Variants in POU6F2 observed in about 807,000 individuals in gnomAD.
The protein encoded by POU6F2 is POU domain, class 6, transcription factor 2.
POU6F2 carries 31 observed loss-of-function variants against 71.3 expected under a neutral mutation model. The ratio of observed to expected loss-of-function variants is 0.43; its 90% CI spans 0.33 to 0.59. The LOEUF (loss-of-function observed/expected upper bound fraction) is 0.59. POU6F2 is among the 20% of genes least tolerant of loss of function. POU6F2 has a pLI of 0.04. For missense variants in POU6F2, 783 were observed against 856.8 expected, an observed-to-expected ratio of 0.91 and a Z score of 1.07; for synonymous variants, 347 against 355.7, an observed-to-expected ratio of 0.98 and a Z score of 0.27.
intron 7 of POU6F2, among the ~76,000 whole-genome samples, chr7:39,446,185 C>G (rs1788518714): frequency 6.6e-6 from 1 of 152,234 alleles, no homozygotes; most frequent in Non-Finnish European, 1.5e-5. Flanking sequence ...ACTCTGGCTT[C>G]TGCGAGACCC....
At chr7:39,407,460 C>A (rs1255003836) in intron 6 of POU6F2, among the ~76,000 whole-genome samples, 1 of 149,562 alleles carries the variant, frequency 6.7e-6, no homozygotes, top group African/African-American at 2.5e-5. Flanking sequence ...GAGCTTCAGA[C>A]AACCCAATAA....
At chr7:38,982,059 G>T (rs1174743093) in intron 1 of POU6F2, among the ~76,000 whole-genome samples, 1 of 152,152 alleles carries the variant, frequency 6.6e-6, no homozygotes, top group Non-Finnish European at 1.5e-5. Context: ...AAGTGGTCTA[G>T]GGAGAGGGGA....
intron 4 of POU6F2, among the ~76,000 whole-genome samples, chr7:39,221,669 G>A (rs1794365150): frequency 6.6e-6 from 1 of 152,050 alleles, no homozygotes; most frequent in Non-Finnish European, 1.5e-5. Context: ...TTACAAGTGT[G>A]AGCCATCGCA....
chr7:39,046,141 A>G (rs1335566146), intron 1 of POU6F2, among the ~76,000 whole-genome samples: 3 of 152,004 alleles, frequency 2.0e-5, no homozygotes, highest in African/African-American at 4.8e-5. Flanking sequence ...ATTTTTTATT[A>G]TAACTATTGT....
chr7:39,192,253 T>C (rs1241940787), intron 2 of POU6F2, among the ~76,000 whole-genome samples: 2 of 152,204 alleles, frequency 1.3e-5, no homozygotes, highest in African/African-American at 4.8e-5. Flanking sequence ...TTCACCAATT[T>C]TGAGTTGCAC....
At chr7:39,340,541 T>A (rs1399280137) in intron 5 of POU6F2, among the ~76,000 whole-genome samples, 1 of 152,192 alleles carries the variant, frequency 6.6e-6, no homozygotes, top group Non-Finnish European at 1.5e-5. Flanking sequence ...CCCAGTCTTA[T>A]GTCCCAGATT....
intron 4 of POU6F2, among the ~76,000 whole-genome samples, chr7:39,261,376 C>T (rs1164131451): frequency 1.3e-5 from 2 of 152,178 alleles, no homozygotes; most frequent in Non-Finnish European, 2.9e-5. Context: ...CAGTGGTTGC[C>T]TCTTAGAACA....
chr7:39,253,320 CA>C, intron 4 of POU6F2, among the ~76,000 whole-genome samples: 1 of 152,230 alleles, frequency 6.6e-6, no homozygotes, highest in African/African-American at 2.4e-5. Context: ...TGTGTGCTCA[CA>C]GAGGCAAGAA....
rs1054968490 is a variant in POU6F2 at position 39,175,278 on chromosome 7, A to G, written c.278-28957A>G. Among the ~76,000 whole-genome samples, 3 of 152,286 alleles carry G rather than the reference A, an allele frequency of 2.0e-5. No homozygotes were observed. The East Asian group carries it at 5.8e-4, about 29-fold the overall frequency. ...CAACCCATACTTCCAGCTTTCTACTAGACACTTTCATTCAGACATCCCAGT... is the reference window on the plus strand; with the variant it reads ...CAACCCATACTTCCAGCTTTCTACTGGACACTTTCATTCAGACATCCCAGT... On this transcript the variant is annotated intron_variant, in intron 2 of 9. Transcript: ENST00000518318.
intron 1 of POU6F2, among the ~76,000 whole-genome samples, chr7:39,025,419 G>A (rs551368899): frequency 5.9e-5 from 9 of 152,168 alleles, no homozygotes; most frequent in African/African-American, 2.2e-4. Context: ...CAATGGAACA[G>A]AACAGAGCCC....
At chr7:39,254,849 G>T (rs1320063819) in intron 4 of POU6F2, among the ~76,000 whole-genome samples, 1 of 152,208 alleles carries the variant, frequency 6.6e-6, no homozygotes, top group African/African-American at 2.4e-5. Flanking sequence ...TTGAGCTGAA[G>T]AAAGTGGGCC....
chr7:39,285,910 C>T (rs1784641090), intron 4 of POU6F2, among the ~76,000 whole-genome samples: 1 of 152,128 alleles, frequency 6.6e-6, no homozygotes, highest in South Asian at 2.1e-4. Context: ...CATTTATTCC[C>T]AGAAGGGAGG....
chr7:39,035,989 G>C (rs753592673), intron 1 of POU6F2, among the ~76,000 whole-genome samples: 129 of 152,156 alleles, frequency 8.5e-4, no homozygotes, highest in Non-Finnish European at 1.0e-3. Context: ...CAGTTGTACA[G>C]AGATCTAAAT....
intron 4 of POU6F2, among the ~76,000 whole-genome samples, chr7:39,260,523 TC>T (rs1784114499): frequency 2.2e-5 from 3 of 134,244 alleles, no homozygotes; most frequent in African/African-American, 5.7e-5. Context: ...CACACCACAT[TC>T]CACACACATA....
At chr7:38,999,695 C>T (rs1314738574) in intron 1 of POU6F2, among the ~76,000 whole-genome samples, 1 of 152,160 alleles carries the variant, frequency 6.6e-6, no homozygotes, top group Non-Finnish European at 1.5e-5. Flanking sequence ...TATCCAATGA[C>T]AGGTTTACGT....
At chr7:39,183,861 C>T (rs565786983) in intron 2 of POU6F2, among the ~76,000 whole-genome samples, 1 of 152,290 alleles carries the variant, frequency 6.6e-6, no homozygotes, top group South Asian at 2.1e-4. Flanking sequence ...TATAATTCCT[C>T]ATCATTATAA....
At chr7:39,450,129 A>G (rs867116784) in intron 7 of POU6F2, among the ~76,000 whole-genome samples, 29 of 152,342 alleles carry the variant, frequency 1.9e-4, no homozygotes, top group Admixed American at 9.8e-4. Flanking sequence ...AAGTTGAATG[A>G]AAAAATGAAC....
intron 1 of POU6F2, among the ~76,000 whole-genome samples, chr7:39,054,519 C>A (rs1349080901): frequency 2.0e-5 from 3 of 152,010 alleles, no homozygotes; most frequent in Non-Finnish European, 4.4e-5. Flanking sequence ...TGTTTTATTT[C>A]ATTTTCTGGA....
chr7:39,341,690 A>C (rs1386676384), intron 5 of POU6F2, among the ~76,000 whole-genome samples: 1 of 152,202 alleles, frequency 6.6e-6, no homozygotes, highest in Admixed American at 6.5e-5. Flanking sequence ...GAAATTACTT[A>C]GGTGTGTCCC....
Sources: allele counts gnomAD v4.1 joint callset (sites outside exome capture counted in the v4.1 genomes callset), GRCh38; gene constraint gnomAD v4.1.1; transcripts MANE v1.5; gene names NCBI Gene and HGNC (gene_info 2026-07-23, HGNC 2026-07-21).